Variants in SMC3 observed in about 807,000 individuals in gnomAD.
SMC3 encodes the protein structural maintenance of chromosomes protein 3.
Under a neutral mutation model 171.8 loss-of-function variants are expected in SMC3, and 20 were observed. The ratio of observed to expected loss-of-function variants is 0.12; its 90% CI spans 0.08 to 0.17. The LOEUF (loss-of-function observed/expected upper bound fraction) is 0.17, where lower values mean the gene tolerates loss of function less well. Ranked by LOEUF, SMC3 falls within the 10% of genes least tolerant of loss-of-function variation. The pLI is 1.00. For synonymous variants in SMC3, 464 were observed against 451.1 expected (o/e 1.03, Z -0.36); for missense variants, 543 against 1,420.4 (o/e 0.38, Z 9.93).
rs1296877433 is a variant in SMC3 at position 110,605,592 on chromosome 10, G to T, written c.*1290G>T. Among the ~76,000 whole-genome samples the T allele has an allele frequency of 2.6e-5, 4 of 152,026 alleles. No homozygotes were observed. Among genetic ancestry groups the T allele is most frequent in the African/African-American group, 9.7e-5 (4 of 41,404 alleles). Reference sequence around the variant, plus strand: ...GAATTTAAAAATGTGAGTTTACTTTGGGTTTTCATTTTGACTGGCTGAATC... The same window carrying T: ...GAATTTAAAAATGTGAGTTTACTTTTGGTTTTCATTTTGACTGGCTGAATC... On this transcript the variant is annotated 3_prime_UTR_variant, in exon 29 of 29. Transcript: ENST00000361804.
At chr10:110,596,965 G>T (rs150645001) in intron 19 of SMC3, among the ~76,000 whole-genome samples, 95 of 151,818 alleles carry the variant, frequency 6.3e-4, no homozygotes, top group African/African-American at 2.2e-3. Context: ...ATATTGCTTA[G>T]AAGTCAAATA....
intron 17 of SMC3, among the ~76,000 whole-genome samples, chr10:110,592,673 A>G (rs1039940092): frequency 6.6e-6 from 1 of 152,196 alleles, no homozygotes; most frequent in Non-Finnish European, 1.5e-5. Context: ...AGTTTTGCAT[A>G]TATTAACTCA....
Position 110,584,331 on chromosome 10 carries a change from G to A in SMC3, c.1240G>A (p.Ala414Thr). Reference sequence around the variant, plus strand: ...TATTAATGACAAGAAAAGACAGATTGCTGCTATACATAAGGATTTGGAAGA... The same window carrying A: ...TATTAATGACAAGAAAAGACAGATTACTGCTATACATAAGGATTTGGAAGA... ...QAINDKKRQI[A>T]AIHKDLEDTE... The change falls in exon 13 of 29, where the codon GCT becomes ACT. Residue 414 changes from alanine to threonine, a missense_variant. By Grantham distance (58) the Ala-to-Thr change is moderately conservative. Coordinates refer to ENST00000361804, the MANE Select transcript of SMC3 (RefSeq NM_005445.4). The A allele has an allele frequency of 6.2e-7, 1 of 1,614,060 alleles. No homozygotes were observed. Among genetic ancestry groups the A allele is most frequent in the South Asian group, 1.1e-5 (1 of 91,082 alleles).
rs114971207 is a variant in SMC3, at chr10:110,580,860, C to T, written c.430-44C>T. On this transcript the variant is annotated intron_variant, in intron 7 of 28. Transcript: ENST00000361804. ...TCAACGTGGAGTTCTTCTTCTTAAA[C>T]GGAGGCTACAGCTATGTAATGATTA... 5.0e-4 allele frequency: 511 copies of T among 1,023,578 alleles called. 7 individuals carry two copies. The African/African-American group carries it at 6.6e-3, about 13-fold the overall frequency. The allele number at this position is 1,023,578 out of a possible 1,614,324, so 63.4% of individuals were successfully genotyped here. A position where few individuals can be genotyped will look rare whatever the true frequency, so the allele number is the denominator to read the frequency against.
intron 2 of SMC3, among the ~76,000 whole-genome samples, chr10:110,571,415 G>C (rs577264152): frequency 2.6e-5 from 4 of 152,216 alleles, no homozygotes; most frequent in African/African-American, 9.6e-5. Context: ...AGAAAGGTCA[G>C]ATGATAGAGG....
chr10:110,598,959 A>G (rs917092633), intron 20 of SMC3, among the ~76,000 whole-genome samples: 1 of 152,014 alleles, frequency 6.6e-6, no homozygotes, highest in African/African-American at 2.4e-5. Context: ...CAAACTTATA[A>G]GTGATAGTGT....
chr10:110,568,529 C>T (rs1860818152), intron 1 of SMC3: 1 of 213,794 alleles, frequency 4.7e-6, no homozygotes, highest in African/African-American at 2.4e-5. Flanking sequence ...AACGTGGGTT[C>T]TTTCAGGCTG....
intron 18 of SMC3, among the ~76,000 whole-genome samples, chr10:110,595,922 T>TTTG (rs973504205): frequency 4.8e-5 from 7 of 146,242 alleles, no homozygotes; most frequent in African/African-American, 1.8e-4. Flanking sequence ...AGGTTCTTTT[T>TTTG]TTTTTTTTTT....
At chr10:110,593,266 C>G in intron 18 of SMC3, 43 bp downstream of exon 18, 1 of 1,588,856 alleles carries the variant, frequency 6.3e-7, no homozygotes, top group Non-Finnish European at 8.6e-7. Flanking sequence ...TAAATTCTAA[C>G]AAATCATTTA....
chr10:110,581,044 T>G (rs529651874), intron 8 of SMC3, 23 bp downstream of exon 8: 3 of 1,347,916 alleles, frequency 2.2e-6, no homozygotes, highest in South Asian at 2.3e-5. Context: ...TGATTCTGCC[T>G]TATTTTTTTG....
chr10:110,594,831 TAAG>T (rs1174924620), intron 18 of SMC3, among the ~76,000 whole-genome samples: 1 of 152,170 alleles, frequency 6.6e-6, no homozygotes, highest in Non-Finnish European at 1.5e-5. Flanking sequence ...CTCCTAACAA[TAAG>T]AACATTCTTT....
At chr10:110,600,871 T>C (rs544532280) in intron 22 of SMC3, 151 bp from the exon 23 acceptor site, 9 of 630,842 alleles carry the variant, frequency 1.4e-5, no homozygotes, top group Admixed American at 6.3e-5. Flanking sequence ...GTCTTTTTTT[T>C]CTTCCCTTTA....
chr10:110,574,951 TA>T (rs1337119264), intron 3 of SMC3, among the ~76,000 whole-genome samples: 1 of 152,202 alleles, frequency 6.6e-6, no homozygotes, highest in Non-Finnish European at 1.5e-5. Context: ...CCTATTTTGT[TA>T]AAAAGGATTT....
At chr10:110,585,808 T>C (rs11195201) in intron 13 of SMC3, among the ~76,000 whole-genome samples, 17,681 of 151,780 alleles carry the variant, frequency 0.12, 1,214 homozygotes, top group East Asian at 0.26. Flanking sequence ...CCTAATCTCT[T>C]TTTTTTGGAG....
chr10:110,579,021 T>C (rs1860994837), intron 7 of SMC3, among the ~76,000 whole-genome samples: 1 of 152,236 alleles, frequency 6.6e-6, no homozygotes, highest in African/African-American at 2.4e-5. Context: ...AAAAACTTTC[T>C]AAAATTAATA....
chr10:110,600,175 A>G (rs538952643), intron 21 of SMC3, among the ~76,000 whole-genome samples: 14 of 152,366 alleles, frequency 9.2e-5, no homozygotes, highest in Non-Finnish European at 1.8e-4. Context: ...GATGTAAACT[A>G]CCAACACCGA....
intron 2 of SMC3, among the ~76,000 whole-genome samples, chr10:110,571,015 A>G (rs1860862662): frequency 1.3e-5 from 2 of 152,242 alleles, no homozygotes; most frequent in South Asian, 4.1e-4. Flanking sequence ...GATGTTGGGT[A>G]TATGCATCAA....
chr10:110,603,364 TTAAA>T (rs1170038739), intron 28 of SMC3, 74 bp downstream of exon 28: 18 of 957,802 alleles, frequency 1.9e-5, no homozygotes, highest in African/African-American at 3.3e-5. Flanking sequence ...TTTATGTTAC[TTAAA>T]TAGTGAAAGA....
At chr10:110,594,487 C>T (rs1184504751) in intron 18 of SMC3, among the ~76,000 whole-genome samples, 1 of 152,072 alleles carries the variant, frequency 6.6e-6, no homozygotes, top group East Asian at 1.9e-4. Flanking sequence ...GATACTAATA[C>T]TACTACTGTG....
Sources: allele counts gnomAD v4.1 joint callset (sites outside exome capture counted in the v4.1 genomes callset), GRCh38; gene constraint gnomAD v4.1.1; transcripts MANE v1.5; gene names NCBI Gene and HGNC (gene_info 2026-07-23, HGNC 2026-07-21).